Variants in NRXN1 observed in about 807,000 individuals in gnomAD.
NRXN1 encodes neurexin-1.
In NRXN1, 39 loss-of-function variants were observed where a neutral mutation model predicts 150.9. That is an observed-to-expected ratio of 0.26 (90% confidence interval 0.20 to 0.34). The LOEUF (loss-of-function observed/expected upper bound fraction) is 0.34. NRXN1 is among the 10% of genes least tolerant of loss of function. The probability of loss-of-function intolerance (pLI) is 1.00; values close to 1 mark genes in which losing one functional copy is unlikely to be tolerated. For synonymous variants in NRXN1, 924 were observed against 757.0 expected, an observed-to-expected ratio of 1.22 and a Z score of -3.62; for missense variants, 1,815 against 1,949.9, an observed-to-expected ratio of 0.93 and a Z score of 1.30.
intron 17 of NRXN1, among the ~76,000 whole-genome samples, chr2:50,364,322 A>G (rs2153012641): frequency 6.6e-6 from 1 of 152,292 alleles, no homozygotes; most frequent in Non-Finnish European, 1.5e-5. Flanking sequence ...CTGTAAACAA[A>G]CAAAATCAGT....
In NRXN1 at chr2:50,779,034, T is replaced by G. The variant is rs761943163; in HGVS notation, c.832+142835A>C. Among the ~76,000 whole-genome samples the G allele has an allele frequency of 6.2e-4, 94 of 152,316 alleles. 1 individual carries two copies. The Middle Eastern group carries it at 0.027, about 44-fold the overall frequency. On this transcript the variant is annotated intron_variant, in intron 5 of 22. Coordinates refer to ENST00000401669, the MANE Select transcript of NRXN1 (RefSeq NM_001330078.2). Reference sequence around the variant, plus strand: ...ACATCTACATTTTTTTTCTTCTTCTTTTAATTATACTTTAAGTTCTGGGAT... The same window carrying G: ...ACATCTACATTTTTTTTCTTCTTCTGTTAATTATACTTTAAGTTCTGGGAT...
At chr2:50,530,719 C>T (rs761790530) in intron 11 of NRXN1, among the ~76,000 whole-genome samples, 57 of 152,178 alleles carry the variant, frequency 3.7e-4, no homozygotes, top group Non-Finnish European at 6.8e-4. Flanking sequence ...CACAGTACTC[C>T]GAAACAGAAA....
chr2:50,447,735 CGTT>C (rs2086560795), intron 17 of NRXN1, among the ~76,000 whole-genome samples: 1 of 42,756 alleles, frequency 2.3e-5, no homozygotes, highest in Non-Finnish European at 3.5e-5. Context: ...AGCAGGGGAA[CGTT>C]ATATATATAT....
chr2:49,927,143 CA>C (rs1669247854), intron 22 of NRXN1, among the ~76,000 whole-genome samples: 1 of 152,196 alleles, frequency 6.6e-6, no homozygotes, highest in East Asian at 1.9e-4. Flanking sequence ...AATTTATTTT[CA>C]AGTTCTGAAT....
chr2:50,425,333 G>A (rs566443683), intron 17 of NRXN1, among the ~76,000 whole-genome samples: 30 of 152,148 alleles, frequency 2.0e-4, no homozygotes, highest in African/African-American at 6.3e-4. Context: ...TAACCTACAC[G>A]TCTGGATATC....
intron 17 of NRXN1, among the ~76,000 whole-genome samples, chr2:50,336,017 G>C (rs2077169758): frequency 6.6e-6 from 1 of 151,928 alleles, no homozygotes; most frequent in African/African-American, 2.4e-5. Flanking sequence ...CTTCACAACA[G>C]TCCTACAGAG....
At chr2:50,414,458 C>A (rs1297729854) in intron 17 of NRXN1, among the ~76,000 whole-genome samples, 1 of 151,834 alleles carries the variant, frequency 6.6e-6, no homozygotes, top group South Asian at 2.1e-4. Context: ...TATATACACA[C>A]AAAAATTTGT....
chr2:50,246,799 C>T (rs140190186), intron 17 of NRXN1, among the ~76,000 whole-genome samples: 1 of 152,030 alleles, frequency 6.6e-6, no homozygotes, highest in African/African-American at 2.4e-5. Flanking sequence ...CTTTCAACAT[C>T]CACTAACTTA....
chr2:50,824,627 G>T (rs1156320144), intron 5 of NRXN1, among the ~76,000 whole-genome samples: 1 of 152,102 alleles, frequency 6.6e-6, no homozygotes, highest in African/African-American at 2.4e-5. Context: ...ATACGTTGAG[G>T]CCAGAGGCAT....
rs1311394203 is a variant in NRXN1, at chr2:49,943,737, T to C, written c.4183A>G (p.Ile1395Val). 1 of 1,612,552 alleles carries C rather than the reference T, an allele frequency of 6.2e-7. No homozygotes were observed. The highest frequency in any genetic ancestry group is 8.5e-7 in the Non-Finnish European group (1 of 1,179,340). ...CCTGAGCTCGGCTCACAGGGGTCAA[T>C]GTCCTCATCATCGCTGGGACACTCT... ...SAECPSDDED[I>V]DPCEPSSGGL... Residue 1395 changes from isoleucine (I) to valine (V), a missense_variant, in exon 22 of 23, where the codon ATT becomes GTT. Physicochemically the swap from Ile to Val is conservative, Grantham distance 29. Transcript: ENST00000401669.
At chr2:50,417,725 G>C (rs2083656402) in intron 17 of NRXN1, among the ~76,000 whole-genome samples, 1 of 151,816 alleles carries the variant, frequency 6.6e-6, no homozygotes, top group Non-Finnish European at 1.5e-5. Context: ...CTTTCTTGAG[G>C]CAGTAACATT....
At chr2:50,136,311 A>C (rs1393850245) in intron 18 of NRXN1, among the ~76,000 whole-genome samples, 1 of 152,238 alleles carries the variant, frequency 6.6e-6, no homozygotes, top group African/African-American at 2.4e-5. Context: ...TGGGTTAAGT[A>C]TCCAAACCAA....
At chr2:50,238,564 G>A (rs946142478) in intron 17 of NRXN1, among the ~76,000 whole-genome samples, 4 of 152,042 alleles carry the variant, frequency 2.6e-5, no homozygotes, top group African/African-American at 9.7e-5. Context: ...TGTAAAAGTT[G>A]TGTGTACAGC....
At chr2:50,221,833 G>A (rs1408269783) in intron 18 of NRXN1, among the ~76,000 whole-genome samples, 2 of 151,934 alleles carry the variant, frequency 1.3e-5, no homozygotes, top group African/African-American at 4.8e-5. Context: ...TCAGGCTCAG[G>A]AACTTCGTCA....
chr2:50,033,655 C>A (rs929785005), intron 21 of NRXN1, among the ~76,000 whole-genome samples: 2 of 152,002 alleles, frequency 1.3e-5, no homozygotes, highest in African/African-American at 4.8e-5. Context: ...AGAGCTTCTG[C>A]ACAGCAAAAG....
At chr2:50,795,967 C>A (rs1230266278) in intron 5 of NRXN1, among the ~76,000 whole-genome samples, 2 of 151,916 alleles carry the variant, frequency 1.3e-5, no homozygotes, top group Non-Finnish European at 2.9e-5. Flanking sequence ...CACGCAATGA[C>A]CCAAGGTTCA....
chr2:50,937,495 T>G (rs1183248286), intron 2 of NRXN1, among the ~76,000 whole-genome samples: 5 of 152,116 alleles, frequency 3.3e-5, no homozygotes, highest in African/African-American at 1.2e-4. Context: ...TCACACCAGA[T>G]GTAAGGAACT....
chr2:50,928,267 T>TA (rs530957893), intron 2 of NRXN1, among the ~76,000 whole-genome samples: 180 of 151,838 alleles, frequency 1.2e-3, no homozygotes, highest in African/African-American at 4.1e-3. Context: ...AACCACTGTT[T>TA]AAAAAAAAGA....
At chr2:50,479,767 C>CTTTTTTTTTTTTTTTTTTTTT (rs35301086) in intron 15 of NRXN1, among the ~76,000 whole-genome samples, 2 of 79,866 alleles carry the variant, frequency 2.5e-5, no homozygotes, top group Non-Finnish European at 4.3e-5. Context: ...ATTTCTTTTT[C>CTTTTTTTTTTTTTTTTTTTTT]TTTTTTTTTT....
Sources: allele counts gnomAD v4.1 joint callset (sites outside exome capture counted in the v4.1 genomes callset), GRCh38; gene constraint gnomAD v4.1.1; transcripts MANE v1.5; gene names NCBI Gene and HGNC (gene_info 2026-07-23, HGNC 2026-07-21).